The following MMP26 variants were observed in gnomAD, a reference collection of about 807,000 sequenced individuals.
The protein encoded by MMP26 is matrix metalloproteinase-26.
In MMP26, 33 loss-of-function variants were observed where a neutral mutation model predicts 31.0. The observed-to-expected ratio is 1.06, with a 90% CI of 0.81 to 1.42. MMP26 has a LOEUF of 1.42. Ranked by LOEUF, MMP26 falls within the 40% of genes most tolerant of loss-of-function variation. The probability of loss-of-function intolerance (pLI) is 0.00; values close to 1 mark genes in which losing one functional copy is unlikely to be tolerated. For synonymous variants in MMP26, 122 were observed against 114.9 expected (o/e 1.06, Z -0.40); for missense variants, 347 against 316.1 (o/e 1.10, Z -0.74).
chr11:4,860,667 A>G (rs984492682), intron 2 of MMP26: 7 of 348,764 alleles, frequency 2.0e-5, no homozygotes, highest in African/African-American at 1.5e-4. Context: ...TTATGAATGC[A>G]TAGTAGAATA....
chr11:4,707,147 A>T (rs984508368), intron 1 of MMP26, among the ~76,000 whole-genome samples: 1 of 152,066 alleles, frequency 6.6e-6, no homozygotes, highest in Non-Finnish European at 1.5e-5. Flanking sequence ...ATTCTCTCCA[A>T]CTGTGTACAA....
At chr11:4,925,588 AG>A (rs1851258978) in intron 2 of MMP26, among the ~76,000 whole-genome samples, 2 of 152,122 alleles carry the variant, frequency 1.3e-5, no homozygotes, top group Admixed American at 6.6e-5. Context: ...GTATGGAGAA[AG>A]TCCCTAGGAG....
rs1167256711 is a variant in MMP26, at chr11:4,816,853, G to A, written c.-145+49512G>A. ...CGAGTAGCTGGGACTACAGGCGCCC[G>A]CCACCACGCCCGGCTAATTTTTTTT... On this transcript the variant is annotated intron_variant, in intron 2 of 7. Transcript: ENST00000380390. Among the ~76,000 whole-genome samples, 7 of 145,938 alleles carry A rather than the reference G, an allele frequency of 4.8e-5. No homozygotes were observed. In the East Asian group the frequency reaches 5.9e-4, roughly 12 times the overall value.
chr11:4,880,202 G>A (rs1312478533), intron 2 of MMP26, among the ~76,000 whole-genome samples: 2 of 152,068 alleles, frequency 1.3e-5, no homozygotes, highest in African/African-American at 4.8e-5. Flanking sequence ...TGCCTATAAA[G>A]CCCTCGCTTT....
chr11:4,944,906 C>A (rs1177818013), intron 2 of MMP26: 1 of 151,938 alleles, frequency 6.6e-6, no homozygotes, highest in Non-Finnish European at 1.5e-5. Flanking sequence ...TCTTTTTCAA[C>A]AAACATGGTC....
chr11:4,945,854 A>G, intron 2 of MMP26: 1 of 382,852 alleles, frequency 2.6e-6, no homozygotes, highest in Non-Finnish European at 4.8e-6. Context: ...AGATAATGAG[A>G]AATCCAACTT....
intron 1 of MMP26, among the ~76,000 whole-genome samples, chr11:4,714,945 C>CAT (rs1680634651): frequency 2.6e-5 from 4 of 151,950 alleles, no homozygotes; most frequent in Non-Finnish European, 5.9e-5. Flanking sequence ...CACACACACA[C>CAT]ACACACACAC....
chr11:4,768,948 C>T (rs377281056), intron 2 of MMP26: 36 of 1,425,968 alleles, frequency 2.5e-5, no homozygotes, highest in Non-Finnish European at 2.9e-5. Flanking sequence ...GTCATTCATG[C>T]CAGGTTTGTA....
intron 2 of MMP26, among the ~76,000 whole-genome samples, chr11:4,870,760 T>C (rs1339448823): frequency 6.6e-6 from 1 of 152,140 alleles, no homozygotes; most frequent in Non-Finnish European, 1.5e-5. Flanking sequence ...CATTTTACAG[T>C]ATTTCCCATG....
chr11:4,871,112 C>G (rs1270566443), intron 2 of MMP26, among the ~76,000 whole-genome samples: 1 of 152,070 alleles, frequency 6.6e-6, no homozygotes, highest in Non-Finnish European at 1.5e-5. Flanking sequence ...CAGCAATATT[C>G]TACTATATTG....
intron 1 of MMP26, among the ~76,000 whole-genome samples, chr11:4,755,036 A>G (rs1421898088): frequency 6.6e-6 from 1 of 151,996 alleles, no homozygotes; most frequent in Non-Finnish European, 1.5e-5. Context: ...TGCCTAATTC[A>G]GAAATCTGCA....
chr11:4,912,778 A>T (rs910697187), intron 2 of MMP26: 6 of 152,152 alleles, frequency 3.9e-5, no homozygotes, highest in Non-Finnish European at 7.3e-5. Flanking sequence ...CTTTAATTAC[A>T]TTGTTTTTTA....
intron 1 of MMP26, among the ~76,000 whole-genome samples, chr11:4,757,579 C>G (rs1167528649): frequency 6.6e-6 from 1 of 151,340 alleles, no homozygotes; most frequent in Non-Finnish European, 1.5e-5. Context: ...AACTCATATA[C>G]AAAAAATGTA....
At chr11:4,800,339 C>G (rs114504221) in intron 2 of MMP26, among the ~76,000 whole-genome samples, 1 of 152,182 alleles carries the variant, frequency 6.6e-6, no homozygotes, top group African/African-American at 2.4e-5. Context: ...CCAAGAGTTA[C>G]AGCTGGCACA....
At chr11:4,981,745 CAACCACATTGTAT>C in intron 2 of MMP26, among the ~76,000 whole-genome samples, 1 of 152,168 alleles carries the variant, frequency 6.6e-6, no homozygotes, top group East Asian at 1.9e-4. Context: ...AGCTTAAACA[CAACCACATTGTAT>C]AACTGTAAAA....
In MMP26 at chr11:4,875,887, A is replaced by T. The variant is rs528760253; in HGVS notation, c.-145+108546A>T. On this transcript the variant is annotated intron_variant, in intron 2 of 7. Transcript: ENST00000380390. ...AGCCAAGGTGACTTCTTCCTCCCTC[A>T]CTTGCTGCAAGCTCAGATCCCTTTA... is the stretch of plus-strand genomic sequence containing the variant. The T allele has an allele frequency of 2.6e-5, 4 of 152,110 alleles. No individual in the cohort carries two copies. In the South Asian group the frequency reaches 8.3e-4, roughly 32 times the overall value. The allele number at this position is 152,110 out of a possible 1,614,324, so 9.4% of individuals were successfully genotyped here. A position where few individuals can be genotyped will look rare whatever the true frequency, so the allele number is the denominator to read the frequency against.
At chr11:4,919,924 T>A (rs1035015513) in intron 2 of MMP26, among the ~76,000 whole-genome samples, 2 of 152,118 alleles carry the variant, frequency 1.3e-5, no homozygotes, top group Non-Finnish European at 2.9e-5. Context: ...ACTCAGTCCT[T>A]TGTTTCCAGA....
intron 2 of MMP26, chr11:4,907,933 C>T: frequency 1.2e-6 from 2 of 1,614,124 alleles, no homozygotes; most frequent in Non-Finnish European, 1.7e-6. Context: ...TGAAGCTGGC[C>T]TGCTCTGACA....
chr11:4,907,303 C>A, intron 2 of MMP26: 1 of 1,134,276 alleles, frequency 8.8e-7, no homozygotes, highest in Non-Finnish European at 1.3e-6. Flanking sequence ...GAGTTTTAAC[C>A]AAAAGCATGA....
Sources: gnomAD v4.1 joint callset for allele counts (sites outside exome capture counted in the v4.1 genomes callset) on GRCh38, gnomAD v4.1.1 for gene constraint, MANE v1.5 for transcripts, NCBI Gene and HGNC (gene_info 2026-07-23, HGNC 2026-07-21) for gene names.